The following NPAT variants were observed in gnomAD, a reference collection of about 807,000 sequenced individuals.
NPAT encodes protein NPAT.
A neutral mutation model predicts 130.7 loss-of-function variants in NPAT; 52 were observed. That is an observed-to-expected ratio of 0.40 (90% confidence interval 0.32 to 0.50). The LOEUF (loss-of-function observed/expected upper bound fraction) is 0.50, where lower values mean the gene tolerates loss of function less well. Ranked by LOEUF, NPAT falls within the 20% of genes least tolerant of loss-of-function variation. The pLI is 0.68. For synonymous variants in NPAT, 580 were observed against 584.8 expected, an observed-to-expected ratio of 0.99 and a Z score of 0.12; for missense variants, 1,687 against 1,662.6, an observed-to-expected ratio of 1.01 and a Z score of -0.26.
At chr11:108,199,682 G>T (rs933360189) in intron 1 of NPAT, among the ~76,000 whole-genome samples, 50 of 152,102 alleles carry the variant, frequency 3.3e-4, no homozygotes, top group African/African-American at 1.2e-3. Flanking sequence ...CATCACCCTC[G>T]GGTACTGGGA....
chr11:108,185,547 T>G (rs2078099178), intron 8 of NPAT, 53 bp from the exon 9 acceptor site: 10 of 1,152,928 alleles, frequency 8.7e-6, no homozygotes, highest in Non-Finnish European at 1.3e-5. Flanking sequence ...ATTCTGCTAT[T>G]TAATATTTAT....
chr11:108,163,327 C>A (rs2077870672), intron 15 of NPAT, among the ~76,000 whole-genome samples: 1 of 152,128 alleles, frequency 6.6e-6, no homozygotes, highest in African/African-American at 2.4e-5. Flanking sequence ...GTGATCTACC[C>A]TCCTCGGCTT....
At chr11:108,221,215 C>T (rs2078488820) in intron 1 of NPAT, among the ~76,000 whole-genome samples, 1 of 152,142 alleles carries the variant, frequency 6.6e-6, no homozygotes, top group African/African-American at 2.4e-5. Context: ...GGGTGTCCTA[C>T]TGTAATCTAG....
At chr11:108,186,147 G>A (rs2078106219) in intron 8 of NPAT, among the ~76,000 whole-genome samples, 1 of 152,028 alleles carries the variant, frequency 6.6e-6, no homozygotes, top group African/African-American at 2.4e-5. Flanking sequence ...CTCCCAAGCA[G>A]CTAGGACTAC....
rs770565929 is a variant in NPAT, at chr11:108,161,994, C to A, written c.3092G>T (p.Ser1031Ile). 1.2e-6 allele frequency: 2 copies of A among 1,608,480 alleles called. No homozygotes were observed. Among genetic ancestry groups the A allele is most frequent in the African/African-American group, 2.7e-5 (2 of 74,512 alleles). ...HAQKTEVSDK[S>I]IATDLGKKSE... ...TTTTTTCCCAAGATCTGTGGCAATA[C>A]TTTTGTCAGAAACTTCAGTTCTAAA... Residue 1031 changes from serine to isoleucine, a missense_variant, in exon 17 of 18, where the codon AGT becomes ATT. Coordinates refer to ENST00000278612, the MANE Select transcript of NPAT (RefSeq NM_002519.3).
At chr11:108,168,345 T>C (rs1225264017) in intron 15 of NPAT, among the ~76,000 whole-genome samples, 1 of 152,194 alleles carries the variant, frequency 6.6e-6, no homozygotes, top group African/African-American at 2.4e-5. Flanking sequence ...AAGTGATAGA[T>C]ATCAAATGGC....
intron 1 of NPAT, among the ~76,000 whole-genome samples, chr11:108,222,260 C>T (rs1414785001): frequency 6.6e-6 from 1 of 152,098 alleles, no homozygotes; most frequent in Non-Finnish European, 1.5e-5. Context: ...GGTGTTCCAC[C>T]CCGAGCTTCC....
Position 108,200,138 on chromosome 11 carries a change from T to C in NPAT, c.38-2718A>G, listed in dbSNP as rs542627486. ...GTTATTTCCCTCAGGCAACTTCCCC[T>C]ACCTGCGTTTAAGTTGTTTCCGCCC... On this transcript the variant is annotated intron_variant, in intron 1 of 17. Transcript: ENST00000278612. 1.2e-4 allele frequency among the ~76,000 whole-genome samples: 19 copies of C among 152,328 alleles called. No individual in the cohort carries two copies. In the East Asian group the frequency reaches 2.5e-3, roughly 20 times the overall value.
At position 108,157,731 on chromosome 11, in the gene NPAT, T is replaced by G. The variant is rs1191093876; in HGVS notation, c.*1211A>C. ...TGAACGGAAAGTACTAAAGAGAACA[T>G]ACTTTAATATCTAGGCACAATTGGT... On this transcript the variant is annotated 3_prime_UTR_variant, in exon 18 of 18. Coordinates refer to ENST00000278612, the MANE Select transcript of NPAT (RefSeq NM_002519.3). 1 of 152,460 alleles carries G rather than the reference T, an allele frequency of 6.6e-6. No individual in the cohort carries two copies. The highest frequency in any genetic ancestry group is 1.5e-5 in the Non-Finnish European group (1 of 67,958). The allele number at this position is 152,460 out of a possible 1,614,324, so 9.4% of individuals were successfully genotyped here.
intron 15 of NPAT, among the ~76,000 whole-genome samples, chr11:108,166,970 GGTT>G (rs1168250833): frequency 1.3e-5 from 2 of 151,868 alleles, no homozygotes; most frequent in East Asian, 3.9e-4. Context: ...TAACATTTTT[GGTT>G]AGGTTACTTC....
chr11:108,211,505 T>C (rs892236060), intron 1 of NPAT, among the ~76,000 whole-genome samples: 1 of 149,250 alleles, frequency 6.7e-6, no homozygotes, highest in African/African-American at 2.5e-5. Context: ...ATTGGGCCAC[T>C]GCACTCCAGA....
rs1301011415 is a variant in NPAT, at chr11:108,222,610, C to G, written c.-74G>C. On this transcript the variant is annotated 5_prime_UTR_variant, in exon 1 of 18. Transcript: ENST00000278612. ...AGCAAACACAGCGACAGCTCCTGCG[C>G]CGCATCTCCTGGTTCCAGTGGCGGC... 5 of 1,533,024 alleles carry G rather than the reference C, an allele frequency of 3.3e-6. No individual in the cohort carries two copies. In the African/African-American group the frequency reaches 5.5e-5, roughly 17 times the overall value. 95.0% of individuals were successfully genotyped at this position (1,533,024 alleles called of 1,614,324 possible).
At chr11:108,202,375 A>G (rs1240598198) in intron 1 of NPAT, among the ~76,000 whole-genome samples, 1 of 152,138 alleles carries the variant, frequency 6.6e-6, no homozygotes, top group Admixed American at 6.5e-5. Flanking sequence ...TTTCTGATCC[A>G]CTTGAGGCCC....
At chr11:108,175,229 C>T (rs11212538) in intron 12 of NPAT, among the ~76,000 whole-genome samples, 76,407 of 152,010 alleles carry the variant, frequency 0.5, 20,484 homozygotes, top group Middle Eastern at 0.72. Context: ...CTTACTGTGC[C>T]TAACTTTAAA....
chr11:108,158,890 G>T lies in NPAT; in HGVS notation c.*52C>A. 9.5e-7 allele frequency: 1 copy of T among 1,051,336 alleles called. No homozygotes were observed. Among genetic ancestry groups the T allele is most frequent in the Non-Finnish European group, 1.5e-6 (1 of 673,108 alleles). The allele number at this position is 1,051,336 out of a possible 1,614,324, so 65.1% of individuals were successfully genotyped here. On this transcript the variant is annotated 3_prime_UTR_variant, in exon 18 of 18. Transcript: ENST00000278612. ...GTCAATATCCCATTCCCTACACTCA[G>T]TTTAAGGGATATGAGTTTTTAACAC... is the stretch of plus-strand genomic sequence containing the variant.
At chr11:108,171,970 G>A (rs538318126) in intron 13 of NPAT, 2 of 543,612 alleles carry the variant, frequency 3.7e-6, no homozygotes, top group Non-Finnish European at 6.6e-6. Context: ...AGAAGTATTT[G>A]TGAAAAGAAA....
At chr11:108,219,735 C>CA (rs2078466520) in intron 1 of NPAT, among the ~76,000 whole-genome samples, 2 of 36,736 alleles carry the variant, frequency 5.4e-5, no homozygotes, top group South Asian at 1.3e-3. Flanking sequence ...TAAAAACAAA[C>CA]AACAACAACA....
chr11:108,182,769 C>T (rs918577724), intron 10 of NPAT, among the ~76,000 whole-genome samples: 5 of 152,212 alleles, frequency 3.3e-5, no homozygotes, highest in Admixed American at 6.5e-5. Flanking sequence ...GGATTACAGG[C>T]GTGAGCCACC....
At chr11:108,212,487 T>C (rs1320041161) in intron 1 of NPAT, among the ~76,000 whole-genome samples, 3 of 149,042 alleles carry the variant, frequency 2.0e-5, no homozygotes, top group Non-Finnish European at 4.4e-5. Flanking sequence ...ATAGGGCCAC[T>C]GCACTCTAGC....
Sources: gnomAD v4.1 joint callset for allele counts (sites outside exome capture counted in the v4.1 genomes callset) on GRCh38, gnomAD v4.1.1 for gene constraint, MANE v1.5 for transcripts, NCBI Gene and HGNC (gene_info 2026-07-23, HGNC 2026-07-21) for gene names.